Variants in MCC observed in about 807,000 individuals in gnomAD.
The protein encoded by MCC is colorectal mutant cancer protein.
In MCC, 90 loss-of-function variants were observed where a neutral mutation model predicts 116.2. That is an observed-to-expected ratio of 0.77 (90% CI 0.65 to 0.92). The LOEUF (loss-of-function observed/expected upper bound fraction) is 0.92. Among genes scored for constraint, MCC ranks in the 40% least tolerant of loss-of-function variants. The probability of loss-of-function intolerance (pLI) is 0.00; values close to 1 mark genes in which losing one functional copy is unlikely to be tolerated. For synonymous variants in MCC, 578 were observed against 510.5 expected (o/e 1.13, Z -1.78); for missense variants, 1,516 against 1,312.2 (o/e 1.16, Z -2.40).
intron 3 of MCC, among the ~76,000 whole-genome samples, chr5:113,299,259 C>T (rs377675154): frequency 2.6e-4 from 31 of 120,836 alleles, no homozygotes; most frequent in Admixed American, 1.3e-3. Flanking sequence ...CGCTACTGCA[C>T]TCCAGCCTGG....
chr5:113,192,597 G>C (rs1187659293), intron 3 of MCC, among the ~76,000 whole-genome samples: 3 of 152,210 alleles, frequency 2.0e-5, no homozygotes, highest in Admixed American at 6.5e-5. Context: ...CTAACAGTGT[G>C]ATGTGCAATT....
At chr5:113,052,718 G>T (rs928579162) in intron 15 of MCC, among the ~76,000 whole-genome samples, 3 of 152,102 alleles carry the variant, frequency 2.0e-5, no homozygotes, top group Non-Finnish European at 2.9e-5. Context: ...GCACTGCCAC[G>T]ACCTGCTCTG....
chr5:113,364,967 T>G (rs1768649759), intron 2 of MCC, among the ~76,000 whole-genome samples: 3 of 152,198 alleles, frequency 2.0e-5, no homozygotes, highest in Non-Finnish European at 4.4e-5. Context: ...AGACCTGTGA[T>G]GAGAGGGGCT....
At chr5:113,450,175 G>A (rs1349754912) in intron 1 of MCC, among the ~76,000 whole-genome samples, 3 of 152,120 alleles carry the variant, frequency 2.0e-5, no homozygotes, top group Non-Finnish European at 4.4e-5. Flanking sequence ...GAGTTAGGGT[G>A]GAAGTTCACA....
rs1759286825 is a variant in MCC, at chr5:113,143,215, T to C, written c.884+3A>G. The C allele has an allele frequency of 6.3e-7, 1 of 1,597,618 alleles. No homozygotes were observed. Among genetic ancestry groups the C allele is most frequent in the African/African-American group, 1.3e-5 (1 of 74,198 alleles). ...AGAGTAAAAGCCGAATGGAGCCGCG[T>C]ACCTGATGGTGGTGCCTTGCAGACG... On this transcript the variant is annotated splice_donor_region_variant and intron_variant, in intron 5 of 18. Coordinates refer to ENST00000408903, the MANE Select transcript of MCC (RefSeq NM_001085377.2).
chr5:113,488,343 G>GCTGCTGCCA lies in MCC; in HGVS notation c.71_72insTGGCAGCAG (p.Ser24_Ser25insGlySerSer). The GCTGCTGCCA allele has an allele frequency of 1.3e-6, 2 of 1,512,008 alleles. No homozygotes were observed. The highest frequency in any genetic ancestry group is 1.8e-6 in the Non-Finnish European group (2 of 1,136,088). The allele number at this position is 1,512,008 out of a possible 1,614,324, so 93.7% of individuals were successfully genotyped here. On this transcript the variant is annotated inframe_insertion, in exon 1 of 19. Coordinates refer to ENST00000408903, the MANE Select transcript of MCC (RefSeq NM_001085377.2). ...TGGACGTGTCGCTGCTGCTGCTGCT[G>GCTGCTGCCA]CTGCCGCTGCCGCCGCCGCCGCCGC...
chr5:113,294,645 A>AGCCCGCGCGGGGACCC, intron 3 of MCC: 1 of 1,109,690 alleles, frequency 9.0e-7, no homozygotes, highest in Non-Finnish European at 1.1e-6. Flanking sequence ...GCAGCGGCGG[A>AGCCCGCGCGGGGACCC]GCCCGCGCGG....
chr5:113,412,823 T>C (rs1413500651), intron 1 of MCC, among the ~76,000 whole-genome samples: 1 of 152,182 alleles, frequency 6.6e-6, no homozygotes, highest in Non-Finnish European at 1.5e-5. Flanking sequence ...ATAGGAGTGG[T>C]GAGAGAGGAC....
chr5:113,284,143 A>G (rs1766157618), intron 3 of MCC, among the ~76,000 whole-genome samples: 1 of 152,232 alleles, frequency 6.6e-6, no homozygotes, highest in Admixed American at 6.5e-5. Flanking sequence ...TGAGGAGTCT[A>G]AAGTTATGCA....
intron 2 of MCC, among the ~76,000 whole-genome samples, chr5:113,361,427 A>G (rs909384417): frequency 5.3e-5 from 8 of 152,170 alleles, no homozygotes; most frequent in African/African-American, 1.9e-4. Flanking sequence ...TTTCTAATAT[A>G]TGCATAAAAG....
At chr5:113,386,745 T>C (rs1191678410) in intron 1 of MCC, among the ~76,000 whole-genome samples, 1 of 104,016 alleles carries the variant, frequency 9.6e-6, no homozygotes, top group East Asian at 2.4e-4. Flanking sequence ...TCTGTGTCCA[T>C]ATGTATATCA....
Position 113,340,600 on chromosome 5 carries a change from C to G in MCC, c.546G>C (p.Gln182His). The change falls in exon 3 of 19, where the codon CAG becomes CAC. Residue 182 changes from glutamine to histidine, a missense_variant. Transcript: ENST00000408903. ...LEYGGSSLHQ[Q>H]AALHKLLTQS... ...GTGTGAGCAGTTTGTGGAGAGCAGC[C>G]TGCTGATGCAAAGAGCTTCCGCCAT... The G allele has an allele frequency of 2.5e-6, 4 of 1,614,130 alleles. 1 individual carries two copies. Among genetic ancestry groups the G allele is most frequent in the Non-Finnish European group, 3.4e-6 (4 of 1,180,000 alleles).
chr5:113,238,173 C>T (rs1483585423), intron 3 of MCC, among the ~76,000 whole-genome samples: 1 of 152,118 alleles, frequency 6.6e-6, no homozygotes, highest in Non-Finnish European at 1.5e-5. Flanking sequence ...AATTACCAGG[C>T]TTTGGGGGTA....
chr5:113,029,780 T>G (rs113898356), intron 17 of MCC, among the ~76,000 whole-genome samples: 1,941 of 152,298 alleles, frequency 0.013, 49 homozygotes, highest in African/African-American at 0.045. Flanking sequence ...AATCAAAGCC[T>G]TCTCGACTAC....
intron 3 of MCC, among the ~76,000 whole-genome samples, chr5:113,162,441 A>T (rs1165255835): frequency 6.6e-6 from 1 of 152,202 alleles, no homozygotes; most frequent in Non-Finnish European, 1.5e-5. Context: ...ATTTCAGGCA[A>T]ATCACTTAAC....
At chr5:113,096,235 A>G (rs895616763) in intron 8 of MCC, among the ~76,000 whole-genome samples, 7 of 152,222 alleles carry the variant, frequency 4.6e-5, no homozygotes, top group African/African-American at 9.6e-5. Flanking sequence ...GAAGTAGAGG[A>G]CACTTGGAGA....
chr5:113,195,448 T>A (rs571939426), intron 3 of MCC, among the ~76,000 whole-genome samples: 36 of 151,894 alleles, frequency 2.4e-4, no homozygotes, highest in Non-Finnish European at 4.3e-4. Flanking sequence ...ATGTTTCTCA[T>A]CTCTTCGTAT....
intron 5 of MCC, among the ~76,000 whole-genome samples, chr5:113,130,476 T>C (rs1561382842): frequency 6.6e-6 from 1 of 151,866 alleles, no homozygotes; most frequent in East Asian, 1.9e-4. Flanking sequence ...TAGGTATAAT[T>C]AAAAAAAATG....
chr5:113,077,313 G>A (rs6865444), intron 11 of MCC, among the ~76,000 whole-genome samples: 69,219 of 151,846 alleles, frequency 0.46, 17,313 homozygotes, highest in African/African-American at 0.68. Flanking sequence ...GACCAAACAG[G>A]CATCTACAGA....
Sources: allele counts gnomAD v4.1 joint callset (sites outside exome capture counted in the v4.1 genomes callset), GRCh38; gene constraint gnomAD v4.1.1; transcripts MANE v1.5; gene names NCBI Gene and HGNC (gene_info 2026-07-23, HGNC 2026-07-21).